Variants in LARP4B observed in about 807,000 individuals in gnomAD.
LARP4B encodes La ribonucleoprotein 4B.
A neutral mutation model predicts 89.8 loss-of-function variants in LARP4B; 12 were observed. The ratio of observed to expected loss-of-function variants is 0.13; its 90% confidence interval spans 0.09 to 0.22. The LOEUF is 0.22. Ranked by LOEUF, LARP4B falls within the 10% of genes least tolerant of loss-of-function variation. The pLI is 1.00. For missense variants in LARP4B, 757 were observed against 947.7 expected (o/e 0.80, Z 2.64); for synonymous variants, 367 against 363.3 (o/e 1.01, Z -0.12).
At chr10:902,871 A>C (rs1390874650) in intron 1 of LARP4B, among the ~76,000 whole-genome samples, 1 of 152,074 alleles carries the variant, frequency 6.6e-6, no homozygotes, top group Non-Finnish European at 1.5e-5. Context: ...TCTCAACCTG[A>C]CCTCAAGTGA....
intron 1 of LARP4B, among the ~76,000 whole-genome samples, chr10:909,013 G>A (rs974789107): frequency 2.9e-4 from 44 of 152,210 alleles, no homozygotes; most frequent in Non-Finnish European, 4.3e-4. Flanking sequence ...TCCAAGTTGC[G>A]GCCAGGCGCG....
At chr10:807,921 C>G (rs139293407), downstream of LARP4B, 1 of 152,266 alleles carries the variant, frequency 6.6e-6, no homozygotes, top group Non-Finnish European at 1.5e-5. Flanking sequence ...TGACTTGGAT[C>G]GGAAACGGCT....
Position 836,493 on chromosome 10 carries a change from G to A in LARP4B, c.660C>T (p.Val220=). Residue 220 remains valine (V), a synonymous_variant, in exon 8 of 18, where the codon GTC becomes GTT. Transcript: ENST00000316157. ...CTTTTTCTCCCTTTTCATCCACTTG[G>A]ACTAAAGGTAAAGCTACAAAGAGAA... ...IVEVLRSLPL[V]QVDEKGEKVR... 1 of 1,608,374 alleles carries A rather than the reference G, an allele frequency of 6.2e-7. No homozygotes were observed. The highest frequency in any genetic ancestry group is 8.5e-7 in the Non-Finnish European group (1 of 1,175,332).
At chr10:891,281 AC>A (rs1228692847) in intron 1 of LARP4B, among the ~76,000 whole-genome samples, 2 of 152,206 alleles carry the variant, frequency 1.3e-5, no homozygotes, top group African/African-American at 4.8e-5. Flanking sequence ...CTTCTTCAAC[AC>A]AAAAGGAGAC....
At chr10:882,486 A>G (rs1310526245) in intron 3 of LARP4B, among the ~76,000 whole-genome samples, 1 of 151,686 alleles carries the variant, frequency 6.6e-6, no homozygotes, top group Non-Finnish European at 1.5e-5. Flanking sequence ...CTCCCAGGTT[A>G]ACGCCATTCT....
chr10:892,639 A>G (rs937300826), intron 1 of LARP4B, among the ~76,000 whole-genome samples: 1 of 151,732 alleles, frequency 6.6e-6, no homozygotes, highest in African/African-American at 2.4e-5. Flanking sequence ...TCCCAGGTTC[A>G]TGCCATTCTC....
At chr10:825,689 C>A in intron 12 of LARP4B, 75 bp downstream of exon 12, 1 of 971,980 alleles carries the variant, frequency 1.0e-6, no homozygotes, top group South Asian at 1.4e-5. Flanking sequence ...GACTAGTGAT[C>A]AAAGCTCTCT....
At chr10:819,762 A>T (rs1395111270) in intron 14 of LARP4B, 2 of 152,252 alleles carry the variant, frequency 1.3e-5, no homozygotes, top group Non-Finnish European at 2.9e-5. Flanking sequence ...CCAACTAGTT[A>T]AACAAAAACT....
At chr10:882,254 G>GT (rs556889947) in intron 3 of LARP4B, among the ~76,000 whole-genome samples, 185 of 146,558 alleles carry the variant, frequency 1.3e-3, no homozygotes, top group Admixed American at 1.4e-3. Context: ...CTTTAATAAA[G>GT]TTTTTTTTTT....
chr10:940,516 G>T, the LARP4B span, among the ~76,000 whole-genome samples: 374 of 152,376 alleles, frequency 2.5e-3, 2 homozygotes, highest in African/African-American at 8.7e-3. Flanking sequence ...CTTGGGCCAG[G>T]AACGTGGCGG....
the LARP4B span, among the ~76,000 whole-genome samples, chr10:948,156 T>TCA: frequency 1.3e-5 from 2 of 151,870 alleles, no homozygotes; most frequent in African/African-American, 4.8e-5. Context: ...TTCATTCAGC[T>TCA]CACACACGGT....
At chr10:884,307 T>A (rs752255803) in intron 3 of LARP4B, 140 bp downstream of exon 3, 1 of 698,642 alleles carries the variant, frequency 1.4e-6, no homozygotes, top group Non-Finnish European at 2.6e-6. Flanking sequence ...GTTGTGGTGA[T>A]GAATGGATCC....
intron 1 of LARP4B, among the ~76,000 whole-genome samples, chr10:886,859 G>A (rs1478612403): frequency 6.6e-6 from 1 of 152,176 alleles, no homozygotes; most frequent in African/African-American, 2.4e-5. Context: ...GGAGGCCAAA[G>A]CAGGCAGATC....
rs1362595524 is a variant in LARP4B, at chr10:931,465, G to A, written c.-77C>T. On this transcript the variant is annotated 5_prime_UTR_variant, in exon 1 of 18. Coordinates refer to ENST00000316157, the MANE Select transcript of LARP4B (RefSeq NM_015155.3). ...CCGCCCCGCCCGACCGGCCGCCCGCGGGCTCCTCGCCTCAACCCCGGGGCC... is the reference window on the plus strand; with the variant it reads ...CCGCCCCGCCCGACCGGCCGCCCGCAGGCTCCTCGCCTCAACCCCGGGGCC... 6.8e-6 allele frequency: 1 copy of A among 147,422 alleles called. No homozygotes were observed. Among genetic ancestry groups the A allele is most frequent in the African/African-American group, 2.5e-5 (1 of 40,680 alleles). The allele number at this position is 147,422 out of a possible 1,614,324, so 9.1% of individuals were successfully genotyped here.
At chr10:907,841 G>A (rs1248214561) in intron 1 of LARP4B, among the ~76,000 whole-genome samples, 2 of 152,180 alleles carry the variant, frequency 1.3e-5, no homozygotes, top group Non-Finnish European at 2.9e-5. Flanking sequence ...CTCCAGGTAG[G>A]GGAAAGTGGC....
At chr10:874,486 G>A (rs1436356123) in intron 3 of LARP4B, among the ~76,000 whole-genome samples, 4 of 152,200 alleles carry the variant, frequency 2.6e-5, no homozygotes, top group African/African-American at 7.2e-5. Flanking sequence ...AAAAACAGGC[G>A]TTGTCCACAA....
At chr10:962,358 A>ACTTCATT in the LARP4B span, among the ~76,000 whole-genome samples, 1 of 151,750 alleles carries the variant, frequency 6.6e-6, no homozygotes, top group African/African-American at 2.4e-5. Flanking sequence ...CAACAATATG[A>ACTTCATT]CTTCATTTAA....
rs147197126 is a variant in LARP4B at position 921,880 on chromosome 10, G to A, written c.-40+9548C>T. Among the ~76,000 whole-genome samples the A allele has an allele frequency of 3.7e-3, 556 of 152,328 alleles. 6 individuals carry two copies. The highest frequency in any genetic ancestry group is 0.013 in the African/African-American group (521 of 41,576). On this transcript the variant is annotated intron_variant, in intron 1 of 17. Transcript: ENST00000316157. ...GAAAAACTGAAGGCCACGTGCACAC[G>A]CAGCAACACTGGTAATACTGCTTCC...
At chr10:883,673 C>T (rs888053297) in intron 3 of LARP4B, among the ~76,000 whole-genome samples, 2 of 151,382 alleles carry the variant, frequency 1.3e-5, no homozygotes, top group South Asian at 2.1e-4. Flanking sequence ...GTGGCTCACG[C>T]CTGTAATCCT....
Sources: allele counts gnomAD v4.1 joint callset (sites outside exome capture counted in the v4.1 genomes callset), GRCh38; gene constraint gnomAD v4.1.1; transcripts MANE v1.5; gene names NCBI Gene and HGNC (gene_info 2026-07-23, HGNC 2026-07-21).